Variants in GRIA4 observed in about 807,000 individuals in gnomAD.
The protein encoded by GRIA4 is glutamate ionotropic receptor AMPA type subunit 4.
Under a neutral mutation model 104.0 loss-of-function variants are expected in GRIA4, and 34 were observed. The observed-to-expected ratio is 0.33, with a 90% CI of 0.25 to 0.44. The LOEUF (loss-of-function observed/expected upper bound fraction) is 0.44. Ranked by LOEUF, GRIA4 falls within the 20% of genes least tolerant of loss-of-function variation. GRIA4 has a pLI of 1.00. For missense variants in GRIA4, 750 were observed against 1,096.5 expected (o/e 0.68, Z 4.46); for synonymous variants, 386 against 381.9 (o/e 1.01, Z -0.13).
intron 4 of GRIA4, among the ~76,000 whole-genome samples, chr11:105,759,085 C>T (rs967313476): frequency 3.3e-5 from 5 of 152,060 alleles, no homozygotes; most frequent in Non-Finnish European, 5.9e-5. Context: ...ATAATCAAAT[C>T]TACTGGGTCA....
intron 5 of GRIA4, among the ~76,000 whole-genome samples, chr11:105,872,754 C>T (rs1288103393): frequency 6.6e-6 from 1 of 152,010 alleles, no homozygotes. Flanking sequence ...ACAAAATTAA[C>T]TGTATATACT....
At chr11:105,960,961 A>C (rs1948730109) in intron 14 of GRIA4, among the ~76,000 whole-genome samples, 1 of 152,036 alleles carries the variant, frequency 6.6e-6, no homozygotes, top group Non-Finnish European at 1.5e-5. Flanking sequence ...TTGATGAGAG[A>C]GAGCCTGGAT....
At chr11:105,653,747 T>C (rs549598928) in intron 3 of GRIA4, among the ~76,000 whole-genome samples, 42 of 151,702 alleles carry the variant, frequency 2.8e-4, no homozygotes, top group Admixed American at 2.0e-3. Context: ...AATTCTTGGC[T>C]GTGGAAAGAA....
chr11:105,957,654 A>C (rs1948625950), intron 14 of GRIA4, among the ~76,000 whole-genome samples: 1 of 152,196 alleles, frequency 6.6e-6, no homozygotes, highest in African/African-American at 2.4e-5. Flanking sequence ...GAAGAAAGCC[A>C]TTGGTAGCTT....
In GRIA4 at chr11:105,746,468, T is replaced by G. The variant is rs557812864; in HGVS notation, c.248-6513T>G. On this transcript the variant is annotated intron_variant, in intron 3 of 16. Transcript: ENST00000282499. ...ATTATGGCAAAAAAAGAGGCAAGGTTGTTAATTCAGTTTAAAGGAATCAGG... is the reference window on the plus strand; with the variant it reads ...ATTATGGCAAAAAAAGAGGCAAGGTGGTTAATTCAGTTTAAAGGAATCAGG... Among the ~76,000 whole-genome samples the G allele has an allele frequency of 3.9e-5, 6 of 152,126 alleles. No homozygotes were observed. The South Asian group carries it at 6.2e-4, about 16-fold the overall frequency.
intron 3 of GRIA4, among the ~76,000 whole-genome samples, chr11:105,646,358 C>T (rs1484479080): frequency 6.6e-6 from 1 of 152,084 alleles, no homozygotes; most frequent in African/African-American, 2.4e-5. Flanking sequence ...TTGGGGAGGT[C>T]TAGAATGGAG....
intron 4 of GRIA4, among the ~76,000 whole-genome samples, chr11:105,763,225 C>G (rs1196547916): frequency 1.3e-5 from 2 of 151,978 alleles, no homozygotes; most frequent in Admixed American, 6.6e-5. Flanking sequence ...GTGGCACAAA[C>G]CAAAGCAAGG....
intron 3 of GRIA4, among the ~76,000 whole-genome samples, chr11:105,616,480 G>A (rs1950604010): frequency 6.6e-6 from 1 of 151,634 alleles, no homozygotes; most frequent in African/African-American, 2.4e-5. Flanking sequence ...AAACCTAGTA[G>A]GCTCTGCAGG....
intron 4 of GRIA4, among the ~76,000 whole-genome samples, chr11:105,831,650 C>T (rs533834424): frequency 2.1e-4 from 32 of 152,080 alleles, no homozygotes; most frequent in African/African-American, 7.0e-4. Context: ...TATAAAGTGT[C>T]GTGGGTATTA....
At chr11:105,709,084 G>C (rs1170401587) in intron 3 of GRIA4, among the ~76,000 whole-genome samples, 1 of 151,976 alleles carries the variant, frequency 6.6e-6, no homozygotes, top group Non-Finnish European at 1.5e-5. Flanking sequence ...AGATGATAAA[G>C]GACAATCTTG....
At chr11:105,862,481 C>A in intron 5 of GRIA4, 1 of 246,802 alleles carries the variant, frequency 4.1e-6, no homozygotes, top group Non-Finnish European at 7.7e-6. Flanking sequence ...TTGAAGAGCT[C>A]TTGGCCTCCA....
intron 4 of GRIA4, among the ~76,000 whole-genome samples, chr11:105,800,999 G>C (rs913000707): frequency 6.6e-6 from 1 of 151,692 alleles, no homozygotes; most frequent in Admixed American, 6.6e-5. Context: ...ATACAGCATG[G>C]TATTAACAGT....
At chr11:105,866,229 A>G (rs1317906820) in intron 5 of GRIA4, among the ~76,000 whole-genome samples, 1 of 152,146 alleles carries the variant, frequency 6.6e-6, no homozygotes. Flanking sequence ...ATGATCTTGA[A>G]AATCCTTGCT....
At chr11:105,628,234 C>T (rs538548514) in intron 3 of GRIA4, among the ~76,000 whole-genome samples, 11 of 152,086 alleles carry the variant, frequency 7.2e-5, no homozygotes, top group Non-Finnish European at 1.5e-4. Context: ...CCTTTGCCCA[C>T]CATTATTTGC....
At chr11:105,792,002 G>T (rs1942233591) in intron 4 of GRIA4, among the ~76,000 whole-genome samples, 1 of 151,980 alleles carries the variant, frequency 6.6e-6, no homozygotes, top group South Asian at 2.1e-4. Flanking sequence ...AATAGAAGCA[G>T]CAATATCACT....
At chr11:105,707,044 A>T (rs1375821715) in intron 3 of GRIA4, 1 of 152,310 alleles carries the variant, frequency 6.6e-6, no homozygotes, top group Non-Finnish European at 1.5e-5. Flanking sequence ...GCTCACAGAA[A>T]GCCCTTGGTA....
At chr11:105,844,008 T>C (rs1944485157) in intron 4 of GRIA4, among the ~76,000 whole-genome samples, 1 of 152,210 alleles carries the variant, frequency 6.6e-6, no homozygotes, top group East Asian at 1.9e-4. Flanking sequence ...CATAGCCTGG[T>C]AACTGGCTCC....
At chr11:105,774,497 T>C (rs1941367350) in intron 4 of GRIA4, among the ~76,000 whole-genome samples, 3 of 152,132 alleles carry the variant, frequency 2.0e-5, no homozygotes, top group Non-Finnish European at 2.9e-5. Flanking sequence ...AACTTGTTTA[T>C]TCAAAAGGCA....
At chr11:105,624,320 G>A (rs898441491) in intron 3 of GRIA4, among the ~76,000 whole-genome samples, 1 of 152,058 alleles carries the variant, frequency 6.6e-6, no homozygotes, top group African/African-American at 2.4e-5. Flanking sequence ...AATTCAAAAT[G>A]CTGATACAAA....
Sources: gnomAD v4.1 joint callset for allele counts (sites outside exome capture counted in the v4.1 genomes callset) on GRCh38, gnomAD v4.1.1 for gene constraint, MANE v1.5 for transcripts, NCBI Gene and HGNC (gene_info 2026-07-23, HGNC 2026-07-21) for gene names.